Variants in GKAP1 observed in about 807,000 individuals in gnomAD.
The protein encoded by GKAP1 is G kinase-anchoring protein 1.
Under a neutral mutation model 56.7 loss-of-function variants are expected in GKAP1, and 31 were observed. That is an observed-to-expected ratio of 0.55 (90% confidence interval 0.41 to 0.74). The LOEUF is 0.74. GKAP1 is among the 30% of genes least tolerant of loss of function. GKAP1 has a pLI of 0.00. For synonymous variants in GKAP1, 151 were observed against 138.6 expected, an observed-to-expected ratio of 1.09 and a Z score of -0.63; for missense variants, 364 against 402.3, an observed-to-expected ratio of 0.90 and a Z score of 0.82.
chr9:83,803,224 T>TCCCTCTG (rs1944361241), intron 3 of GKAP1, among the ~76,000 whole-genome samples: 2 of 146,022 alleles, frequency 1.4e-5, no homozygotes, highest in South Asian at 4.4e-4. Flanking sequence ...ACCATGTAGC[T>TCCCTCTG]CCCTCTCCCC....
chr9:83,794,748 T>C (rs1944215785), intron 4 of GKAP1, among the ~76,000 whole-genome samples: 1 of 152,254 alleles, frequency 6.6e-6, no homozygotes, highest in Non-Finnish European at 1.5e-5. Context: ...ATAGTATCAG[T>C]GCATCATGCA....
chr9:83,781,665 C>T (rs748607242), intron 6 of GKAP1, among the ~76,000 whole-genome samples: 1 of 152,100 alleles, frequency 6.6e-6, no homozygotes, highest in Non-Finnish European at 1.5e-5. Flanking sequence ...ATGCCAGAAC[C>T]TAAGGAAGAA....
chr9:83,779,446 T>C (rs371224140), intron 7 of GKAP1, among the ~76,000 whole-genome samples: 14,849 of 117,684 alleles, frequency 0.13, 1,350 homozygotes, highest in East Asian at 0.28. Context: ...TATATATATA[T>C]ATACACACAC....
chr9:83,804,621 TG>T (rs1202204383), intron 3 of GKAP1, among the ~76,000 whole-genome samples: 12 of 52,484 alleles, frequency 2.3e-4, no homozygotes, highest in South Asian at 1.3e-3. Flanking sequence ...AGGAGGGAGG[TG>T]GGGGGGGTCA....
chr9:83,750,293 A>G (rs1366463688), intron 9 of GKAP1, among the ~76,000 whole-genome samples: 1 of 152,178 alleles, frequency 6.6e-6, no homozygotes, highest in East Asian at 1.9e-4. Context: ...TCTTGCTAGC[A>G]TATTTAATTT....
chr9:83,806,419 T>G lies in GKAP1; in HGVS notation c.99A>C (p.Lys33Asn). ...SGSGSDSEPGKGKGRNTGKSQ... is the reference protein window; with the variant it reads ...SGSGSDSEPGNGKGRNTGKSQ... ...ACTTTCCAGTATTTCGACCTTTACC[T>G]TTTCCAGGTTCAGAATCAGAGCCAC... The change falls in exon 3 of 13, where the codon AAA (lysine) becomes AAC (asparagine). Residue 33 changes from lysine (K) to asparagine (N), a missense_variant. Coordinates refer to ENST00000376371, the MANE Select transcript of GKAP1 (RefSeq NM_025211.4). 1 of 1,612,404 alleles carries G rather than the reference T, an allele frequency of 6.2e-7. No individual in the cohort carries two copies. The highest frequency in any genetic ancestry group is 1.1e-5 in the South Asian group (1 of 90,742).
chr9:83,806,195 G>T, intron 3 of GKAP1, 107 bp downstream of exon 3: 1 of 657,584 alleles, frequency 1.5e-6, no homozygotes, highest in East Asian at 2.7e-5. Flanking sequence ...TATTTTCAGA[G>T]TACCTGTGGA....
At position 83,813,146 on chromosome 9, in the gene GKAP1, T is replaced by C. The variant is rs932689863; in HGVS notation, c.-44+3850A>G. The stretch of plus-strand genomic sequence containing the variant: ...CACATCTAAGAGATGTTAGGATAAA[T>C]AGATTCAAACACAGCTCTTCTCCCT... On this transcript the variant is annotated intron_variant, in intron 2 of 12. Coordinates refer to ENST00000376371, the MANE Select transcript of GKAP1 (RefSeq NM_025211.4). Among the ~76,000 whole-genome samples the C allele has an allele frequency of 6.6e-5, 10 of 152,318 alleles. 1 individual carries two copies. Among genetic ancestry groups the C allele is most frequent in the African/African-American group, 1.9e-4 (8 of 41,568 alleles).
intron 8 of GKAP1, among the ~76,000 whole-genome samples, chr9:83,762,111 A>G (rs1389223602): frequency 6.6e-6 from 1 of 152,162 alleles, no homozygotes; most frequent in African/African-American, 2.4e-5. Flanking sequence ...GAAGAAGTCA[A>G]ATTATCCTTG....
At chr9:83,812,277 A>G (rs1161456258) in intron 2 of GKAP1, among the ~76,000 whole-genome samples, 3 of 148,250 alleles carry the variant, frequency 2.0e-5, no homozygotes, top group African/African-American at 7.4e-5. Context: ...ACACATATAT[A>G]TACACATATA....
chr9:83,782,389 G>A (rs977952969), intron 6 of GKAP1, among the ~76,000 whole-genome samples: 5 of 146,286 alleles, frequency 3.4e-5, no homozygotes, highest in African/African-American at 1.0e-4. Context: ...ATGGAGTTTC[G>A]CTCTTGTTGC....
At chr9:83,792,358 A>G (rs1944174219) in intron 4 of GKAP1, among the ~76,000 whole-genome samples, 1 of 152,238 alleles carries the variant, frequency 6.6e-6, no homozygotes, top group Non-Finnish European at 1.5e-5. Flanking sequence ...CAGAAAAAAG[A>G]GGAATGCTAA....
chr9:83,770,220 C>T (rs1252725380), intron 7 of GKAP1, among the ~76,000 whole-genome samples: 1 of 152,012 alleles, frequency 6.6e-6, no homozygotes, highest in Non-Finnish European at 1.5e-5. Flanking sequence ...CCAATTTTAT[C>T]CAAGAAACCA....
intron 8 of GKAP1, among the ~76,000 whole-genome samples, chr9:83,767,470 C>T (rs918371956): frequency 1.3e-5 from 2 of 151,232 alleles, no homozygotes; most frequent in African/African-American, 2.4e-5. Flanking sequence ...AGTGATTCTC[C>T]TCCTCAGCCT....
chr9:83,806,301 CCTCATTTGCTTCACT>C lies in GKAP1; in HGVS notation c.202_216del (p.Ser68_Glu72del), dbSNP rs1340788583. On this transcript the variant is annotated inframe_deletion and splice_region_variant, in exon 3 of 13. Coordinates refer to ENST00000376371, the MANE Select transcript of GKAP1 (RefSeq NM_025211.4). ...GCAGACAACACAGATAATTGTGTTA[CCTCATTTGCTTCACT>C]CTGTTGCTGTTCCTTCTTTTTTCTT... 3.3e-6 allele frequency: 5 copies of C among 1,533,694 alleles called. No individual in the cohort carries two copies. Among genetic ancestry groups the C allele is most frequent in the Non-Finnish European group, 3.5e-6 (4 of 1,133,224 alleles).
intron 3 of GKAP1, among the ~76,000 whole-genome samples, chr9:83,803,728 G>A (rs1944374332): frequency 6.7e-6 from 1 of 150,144 alleles, no homozygotes; most frequent in African/African-American, 2.5e-5. Context: ...TCTGGGACGT[G>A]AGGAGCCCCT....
At chr9:83,744,419 G>C (rs1943257046) in intron 10 of GKAP1, among the ~76,000 whole-genome samples, 1 of 152,094 alleles carries the variant, frequency 6.6e-6, no homozygotes, top group Non-Finnish European at 1.5e-5. Flanking sequence ...ACACCCATCT[G>C]GTCTGACAAC....
At chr9:83,791,844 A>G (rs949490600) in intron 4 of GKAP1, among the ~76,000 whole-genome samples, 7 of 152,154 alleles carry the variant, frequency 4.6e-5, no homozygotes, top group Non-Finnish European at 1.0e-4. Flanking sequence ...AGGAATACAG[A>G]AAAAAAATCC....
intron 2 of GKAP1, among the ~76,000 whole-genome samples, chr9:83,812,466 G>C (rs1944525560): frequency 1.3e-5 from 2 of 150,610 alleles, no homozygotes; most frequent in African/African-American, 4.9e-5. Context: ...TCCCACCTCG[G>C]CCTCCAGAGT....
Sources: allele counts gnomAD v4.1 joint callset (sites outside exome capture counted in the v4.1 genomes callset), GRCh38; gene constraint gnomAD v4.1.1; transcripts MANE v1.5; gene names NCBI Gene and HGNC (gene_info 2026-07-23, HGNC 2026-07-21).